SHANK2: variants seen among roughly 807,000 people sequenced by gnomAD.
SHANK2 encodes SH3 and multiple ankyrin repeat domains 2.
In SHANK2, 43 loss-of-function variants were observed where a neutral mutation model predicts 133.7. The observed-to-expected ratio is 0.32, with a 90% CI of 0.25 to 0.41. The LOEUF (loss-of-function observed/expected upper bound fraction) is 0.41. Among genes scored for constraint, SHANK2 ranks in the 10% least tolerant of loss-of-function variants. The pLI, the probability that SHANK2 is intolerant of heterozygous loss-of-function variation, is 1.00. For missense variants in SHANK2, 1,994 were observed against 2,235.8 expected (o/e 0.89, Z 2.18); for synonymous variants, 1,017 against 952.8 (o/e 1.07, Z -1.24).
chr11:71,247,612 G>C (rs1220983653), intron 1 of SHANK2, among the ~76,000 whole-genome samples: 2 of 152,058 alleles, frequency 1.3e-5, no homozygotes, highest in South Asian at 4.1e-4. Context: ...GGGGTCTCTG[G>C]TGAGGCCTTT....
At chr11:70,726,094 C>T (rs1293865324) in intron 14 of SHANK2, among the ~76,000 whole-genome samples, 4 of 152,210 alleles carry the variant, frequency 2.6e-5, no homozygotes, top group Non-Finnish European at 5.9e-5. Flanking sequence ...CAGAGCTGTA[C>T]TTGGTAAGTG....
At chr11:71,153,488 A>G (rs1952841113) in intron 2 of SHANK2, among the ~76,000 whole-genome samples, 1 of 152,212 alleles carries the variant, frequency 6.6e-6, no homozygotes, top group East Asian at 1.9e-4. Context: ...CAACTGGCTC[A>G]TTCGTCCTCC....
chr11:70,612,739 T>TA (rs772713623), intron 17 of SHANK2, among the ~76,000 whole-genome samples: 37 of 152,264 alleles, frequency 2.4e-4, no homozygotes, highest in Non-Finnish European at 4.7e-4. Context: ...CTCACTTCCT[T>TA]AAACAATACA....
chr11:70,948,158 C>G (rs1950778147), intron 10 of SHANK2: 1 of 399,504 alleles, frequency 2.5e-6, no homozygotes, highest in Admixed American at 2.7e-5. Context: ...GTCACAGAAG[C>G]CGCCCTCGGC....
intron 11 of SHANK2, chr11:70,863,672 G>T (rs1949300151): frequency 2.4e-6 from 1 of 422,882 alleles, no homozygotes; most frequent in Non-Finnish European, 4.8e-6. Context: ...CCTGGGCTGG[G>T]GGTATGGGGA....
chr11:71,094,648 C>A lies in SHANK2; in HGVS notation c.633G>T (p.Val211=), dbSNP rs782256132. 7.1e-6 allele frequency: 11 copies of A among 1,551,710 alleles called. No homozygotes were observed. The South Asian group carries it at 1.3e-4, about 18-fold the overall frequency. ...CATTTTTGAGAGCTTTGATGACCTCCACAGAGTCGTCCAGCTGAGCGGCTA... is the reference window on the plus strand; with the variant it reads ...CATTTTTGAGAGCTTTGATGACCTCAACAGAGTCGTCCAGCTGAGCGGCTA... ...LTLAAQLDDS[V]EVIKALKNGG... Residue 211 remains valine (V), a synonymous_variant, in exon 7 of 26, where the codon GTG becomes GTT. Transcript: ENST00000601538.
chr11:71,158,351 A>G (rs1283579243), intron 2 of SHANK2, among the ~76,000 whole-genome samples: 9 of 152,234 alleles, frequency 5.9e-5, no homozygotes, highest in African/African-American at 9.6e-5. Context: ...AAAAAACACT[A>G]TAATACCACC....
chr11:71,218,266 T>C (rs1318985069), intron 2 of SHANK2, among the ~76,000 whole-genome samples: 52 of 146,104 alleles, frequency 3.6e-4, no homozygotes, highest in Admixed American at 9.5e-4. Flanking sequence ...TTTTTCTTTT[T>C]TTTTTTTTTT....
At position 71,177,486 on chromosome 11, in the gene SHANK2, A is replaced by G. The variant is rs571051038; in HGVS notation, c.-12-30148T>C. Among the ~76,000 whole-genome samples the G allele has an allele frequency of 3.3e-5, 5 of 152,338 alleles. No individual in the cohort carries two copies. In the South Asian group the frequency reaches 1.0e-3, roughly 32 times the overall value. On this transcript the variant is annotated intron_variant, in intron 2 of 25. Coordinates refer to ENST00000601538, the MANE Select transcript of SHANK2 (RefSeq NM_012309.5). ...TAAAAGTGTAGTAAGATAAAGATTT[A>G]TGCTATGAACCCTAAGCCAACCATT...
At chr11:70,524,583 G>A (rs746333681) in intron 17 of SHANK2, among the ~76,000 whole-genome samples, 1 of 152,186 alleles carries the variant, frequency 6.6e-6, no homozygotes, top group Non-Finnish European at 1.5e-5. Flanking sequence ...AGGCTACCCC[G>A]AGCCTCCTGC....
chr11:70,789,643 C>T (rs1189468700), intron 14 of SHANK2, among the ~76,000 whole-genome samples: 2 of 152,196 alleles, frequency 1.3e-5, no homozygotes, highest in Non-Finnish European at 2.9e-5. Context: ...ACAGGACATG[C>T]CAAAACTACA....
At chr11:70,872,315 G>A (rs1431042708) in intron 11 of SHANK2, 3 of 154,568 alleles carry the variant, frequency 1.9e-5, no homozygotes, top group Admixed American at 6.5e-5. Context: ...CTGAGAGCTC[G>A]TGTTGGAAGG....
At position 70,471,301 on chromosome 11, in the gene SHANK2, A is replaced by C. The variant is rs534415026; in HGVS notation, c.*1568T>G. On this transcript the variant is annotated 3_prime_UTR_variant, in exon 26 of 26. Coordinates refer to ENST00000601538, the MANE Select transcript of SHANK2 (RefSeq NM_012309.5). The surrounding 1 kb of genome is among the most constrained non-coding windows in gnomAD (Gnocchi z 4.1). ...ACAAAACCATGTTTTATAATTAGAG[A>C]TGGGCTGAGCTAGTTCTGAAATAAT... 5.0e-6 allele frequency: 2 copies of C among 398,850 alleles called. No homozygotes were observed. Among genetic ancestry groups the C allele is most frequent in the East Asian group, 7.1e-5 (2 of 28,084 alleles). The allele number at this position is 398,850 out of a possible 1,614,324, so 24.7% of individuals were successfully genotyped here. A position where few individuals can be genotyped will look rare whatever the true frequency, so the allele number is the denominator to read the frequency against.
At chr11:70,643,561 G>A (rs1192406598) in intron 17 of SHANK2, among the ~76,000 whole-genome samples, 2 of 132,986 alleles carry the variant, frequency 1.5e-5, no homozygotes, top group African/African-American at 3.0e-5. Flanking sequence ...GTGAGACTCC[G>A]TCTCGGAAAA....
intron 10 of SHANK2, among the ~76,000 whole-genome samples, chr11:70,955,458 T>TGTGA (rs1344503737): frequency 2.2e-5 from 3 of 139,490 alleles, no homozygotes; most frequent in Non-Finnish European, 4.9e-5. Flanking sequence ...TGTGTGTGTG[T>TGTGA]GTGAATGTAC....
rs535201587 is a variant in SHANK2, at chr11:71,232,737, CAT to C, written c.-112-7943_-112-7942del. Among the ~76,000 whole-genome samples, 800 of 152,222 alleles carry C rather than the reference CAT, an allele frequency of 5.3e-3. 17 individuals are homozygous for C. Among genetic ancestry groups the C allele is most frequent in the African/African-American group, 0.019 (775 of 41,530 alleles). ...TTATTTGTTTGTATAACATACAAAA[CAT>C]GTGTTAATGGACTGTTTATGTTATC... On this transcript the variant is annotated intron_variant, in intron 1 of 25. Transcript: ENST00000601538.
chr11:70,683,737 G>C (rs1287581725), intron 15 of SHANK2, among the ~76,000 whole-genome samples: 1 of 151,792 alleles, frequency 6.6e-6, no homozygotes, highest in African/African-American at 2.4e-5. Flanking sequence ...TCTAATCTCT[G>C]CCTCTGTGGT....
At chr11:71,062,860 G>A (rs918826896) in intron 9 of SHANK2, among the ~76,000 whole-genome samples, 16 of 151,850 alleles carry the variant, frequency 1.1e-4, no homozygotes, top group African/African-American at 2.7e-4. Flanking sequence ...AGCCAGGAGC[G>A]GTGGTGCGTG....
At chr11:71,215,907 C>T (rs1166176314) in intron 2 of SHANK2, among the ~76,000 whole-genome samples, 2 of 152,106 alleles carry the variant, frequency 1.3e-5, no homozygotes, top group African/African-American at 2.4e-5. Flanking sequence ...TCAAATCTTT[C>T]GAACCACAAT....
Sources: gnomAD v4.1 joint callset for allele counts (sites outside exome capture counted in the v4.1 genomes callset) on GRCh38, gnomAD v4.1.1 for gene constraint, Gnocchi (gnomAD v3.1) non-coding constraint, MANE v1.5 for transcripts, NCBI Gene and HGNC (gene_info 2026-07-23, HGNC 2026-07-21) for gene names.